The following LEPROTL1 variants were observed in gnomAD, a reference collection of about 807,000 sequenced individuals.
LEPROTL1 encodes the protein leptin receptor overlapping transcript-like 1.
A neutral mutation model predicts 15.4 loss-of-function variants in LEPROTL1; 6 were observed. That is an observed-to-expected ratio of 0.39 (90% confidence interval 0.21 to 0.77). LEPROTL1 has a LOEUF of 0.77. Ranked by LOEUF, LEPROTL1 falls within the 30% of genes least tolerant of loss-of-function variation. The pLI, the probability that LEPROTL1 is intolerant of heterozygous loss-of-function variation, is 0.41. For synonymous variants in LEPROTL1, 56 were observed against 52.6 expected, an observed-to-expected ratio of 1.06 and a Z score of -0.28; for missense variants, 128 against 158.1, an observed-to-expected ratio of 0.81 and a Z score of 1.02.
At chr8:30,096,527 A>G (rs1054888511) in intron 1 of LEPROTL1, 17 of 284,460 alleles carry the variant, frequency 6.0e-5, no homozygotes, top group African/African-American at 1.8e-4. Context: ...TTTATTTTCA[A>G]TGTCTGAAAA....
downstream of LEPROTL1, chr8:30,108,643 A>ATTTTTTTTTTTTT (rs111348872): frequency 7.0e-6 from 1 of 143,250 alleles, no homozygotes; most frequent in African/African-American, 2.5e-5. Flanking sequence ...GTCAATACAG[A>ATTTTTTTTTTTTT]TTTTTTTTTT....
At chr8:30,118,659 A>G (rs931767660) in intron 3 of LEPROTL1, among the ~76,000 whole-genome samples, 4 of 152,188 alleles carry the variant, frequency 2.6e-5, no homozygotes, top group African/African-American at 7.2e-5. Context: ...CGCTCAGCAT[A>G]TGGAGGACCT....
chr8:30,104,356 G>T lies in LEPROTL1; in HGVS notation c.149G>T (p.Cys50Phe), dbSNP rs1384281469. 6.2e-7 allele frequency: 1 copy of T among 1,608,396 alleles called. No individual in the cohort carries two copies. The highest frequency in any genetic ancestry group is 8.5e-7 in the Non-Finnish European group (1 of 1,176,794). Residue 50 changes from cysteine (C) to phenylalanine (F), a missense_variant, in exon 3 of 4, where the codon TGC (cysteine) becomes TTC (phenylalanine). Transcript: ENST00000321250. The stretch of plus-strand genomic sequence containing the variant: ...TACATCCTTTCACCTATTCCATACT[G>T]CATAGCAAGAAGATTAGTGGATGAT... ...FFYILSPIPYCIARRLVDDTD... is the reference protein window; with the variant it reads ...FFYILSPIPYFIARRLVDDTD...
chr8:30,132,194 C>T (rs149326721), intron 3 of LEPROTL1: 31 of 1,551,776 alleles, frequency 2.0e-5, no homozygotes, highest in East Asian at 2.4e-5. Context: ...TCCACCATCA[C>T]GGCCCAGCAA....
chr8:30,136,837 G>C (rs1211627625), intron 4 of LEPROTL1, among the ~76,000 whole-genome samples: 1 of 151,160 alleles, frequency 6.6e-6, no homozygotes, highest in Admixed American at 6.6e-5. Context: ...CCAGGCGTCC[G>C]CCACTATGCC....
chr8:30,113,483 C>G (rs1432740167), downstream of LEPROTL1, among the ~76,000 whole-genome samples: 1 of 152,134 alleles, frequency 6.6e-6, no homozygotes, highest in Non-Finnish European at 1.5e-5. Context: ...AGCCTGTCAT[C>G]GCTGCAAGTG....
chr8:30,113,029 T>C (rs1225507843), downstream of LEPROTL1, among the ~76,000 whole-genome samples: 2 of 150,332 alleles, frequency 1.3e-5, no homozygotes, highest in Admixed American at 6.7e-5. Flanking sequence ...CCCAGTACTT[T>C]GGGAGGCTGA....
At chr8:30,137,952 C>A (rs1218725897), downstream of LEPROTL1, 1 of 201,746 alleles carries the variant, frequency 5.0e-6, no homozygotes, top group South Asian at 8.0e-5. Context: ...GTTTTGTAGA[C>A]CCTGCCCTTG....
intron 2 of LEPROTL1, 96 bp from the exon 3 acceptor site, chr8:30,104,179 AAGGTTGGGTATCATCCATTAGAAGT>A (rs1802517869): frequency 2.0e-6 from 1 of 497,870 alleles, no homozygotes; most frequent in Non-Finnish European, 3.4e-6. Flanking sequence ...GCTTTATGCT[AAGGTTGGGTATCATCCATTAGAAGT>A]CAAGCGATTG....
downstream of LEPROTL1, among the ~76,000 whole-genome samples, chr8:30,113,431 C>T (rs1053136473): frequency 2.0e-5 from 3 of 152,076 alleles, no homozygotes; most frequent in Non-Finnish European, 4.4e-5. Context: ...TGCTAGCAAG[C>T]GTGGGAGAAT....
At chr8:30,135,463 A>G (rs1374065496) in intron 4 of LEPROTL1, among the ~76,000 whole-genome samples, 1 of 152,224 alleles carries the variant, frequency 6.6e-6, no homozygotes, top group Non-Finnish European at 1.5e-5. Flanking sequence ...CCCTGGCTGT[A>G]GGACTTTGCC....
Position 30,107,662 on chromosome 8 carries a change from T to G in LEPROTL1, c.*1800T>G, listed in dbSNP as rs963566190. On this transcript the variant is annotated 3_prime_UTR_variant, in exon 4 of 4. Coordinates refer to ENST00000321250, the MANE Select transcript of LEPROTL1 (RefSeq NM_015344.3). ...CTGAAAGTGGCTTGTGGTATTATAA[T>G]GTTCAGATTTCAAGAGGAAGGTGCA... The G allele has an allele frequency of 4.1e-4, 400 of 985,488 alleles. 1 individual carries two copies. Among genetic ancestry groups the G allele is most frequent in the Middle Eastern group, 5.2e-4 (1 of 1,936 alleles). 61.0% of individuals were successfully genotyped at this position (985,488 alleles called of 1,614,324 possible). A position where few individuals can be genotyped will look rare whatever the true frequency, so the allele number is the denominator to read the frequency against.
At chr8:30,134,745 G>A (rs1476196834) in intron 4 of LEPROTL1, among the ~76,000 whole-genome samples, 5 of 152,032 alleles carry the variant, frequency 3.3e-5, no homozygotes, top group Admixed American at 2.6e-4. Flanking sequence ...ACAGGGTTTC[G>A]CCATGTCTGC....
intron 3 of LEPROTL1, among the ~76,000 whole-genome samples, chr8:30,130,080 G>T (rs993250293): frequency 6.6e-6 from 1 of 152,118 alleles, no homozygotes; most frequent in Non-Finnish European, 1.5e-5. Context: ...AATTCAACAT[G>T]AGACCCAAAC....
intron 4 of LEPROTL1, among the ~76,000 whole-genome samples, chr8:30,133,615 AC>A (rs943197887): frequency 6.6e-6 from 1 of 151,952 alleles, no homozygotes; most frequent in African/African-American, 2.4e-5. Flanking sequence ...ACCACACACT[AC>A]TCCAATTTGA....
intron 3 of LEPROTL1, among the ~76,000 whole-genome samples, chr8:30,123,146 C>T (rs76682642): frequency 0.013 from 2,025 of 152,270 alleles, 45 homozygotes; most frequent in East Asian, 0.075. Context: ...CTCTCCATGG[C>T]AATGTGGCTT....
chr8:30,126,005 A>G (rs985985021), intron 3 of LEPROTL1, among the ~76,000 whole-genome samples: 1 of 152,228 alleles, frequency 6.6e-6, no homozygotes, highest in Admixed American at 6.5e-5. Context: ...TTCCTGAACC[A>G]TCTCCTATGT....
intron 3 of LEPROTL1, among the ~76,000 whole-genome samples, chr8:30,113,590 C>T (rs1028489745): frequency 6.6e-6 from 1 of 152,162 alleles, no homozygotes; most frequent in African/African-American, 2.4e-5. Flanking sequence ...GATGACTACG[C>T]ATCTCCACGT....
downstream of LEPROTL1, among the ~76,000 whole-genome samples, chr8:30,111,504 A>T (rs575808074): frequency 6.6e-6 from 1 of 152,274 alleles, no homozygotes; most frequent in South Asian, 2.1e-4. Flanking sequence ...CTATGTCATG[A>T]GGTAGTTATG....
Sources: gnomAD v4.1 joint callset for allele counts (sites outside exome capture counted in the v4.1 genomes callset) on GRCh38, gnomAD v4.1.1 for gene constraint, MANE v1.5 for transcripts, NCBI Gene and HGNC (gene_info 2026-07-23, HGNC 2026-07-21) for gene names.